The following PCNX1 variants were observed in gnomAD, a reference collection of about 807,000 sequenced individuals.
The protein encoded by PCNX1 is pecanex 1, also known as pecanex-like protein 1.
Under a neutral mutation model 242.2 loss-of-function variants are expected in PCNX1, and 78 were observed. The observed-to-expected ratio is 0.32, with a 90% CI of 0.27 to 0.39. The LOEUF is 0.39. PCNX1 is among the 10% of genes least tolerant of loss of function. PCNX1 has a pLI of 1.00. For missense variants in PCNX1, 2,581 were observed against 2,856.5 expected, an observed-to-expected ratio of 0.90 and a Z score of 2.20; for synonymous variants, 1,024 against 1,032.9, an observed-to-expected ratio of 0.99 and a Z score of 0.17.
chr14:71,009,749 T>C, intron 9 of PCNX1, 25 bp downstream of exon 9: 1 of 1,300,074 alleles, frequency 7.7e-7, no homozygotes, highest in Non-Finnish European at 1.1e-6. Context: ...ATATTAGGAG[T>C]GTGTGTACTT....
At chr14:71,019,870 T>TCCCACCATGCAC (rs2060053425) in intron 12 of PCNX1, among the ~76,000 whole-genome samples, 1 of 151,982 alleles carries the variant, frequency 6.6e-6, no homozygotes, top group Non-Finnish European at 1.5e-5. Context: ...CCACCATGCA[T>TCCCACCATGCAC]CCCACCATGC....
chr14:71,068,402 GTATA>G (rs566036233), intron 26 of PCNX1, among the ~76,000 whole-genome samples: 4 of 148,244 alleles, frequency 2.7e-5, no homozygotes, highest in African/African-American at 5.0e-5. Flanking sequence ...TTATGTATAC[GTATA>G]TATATGTATT....
chr14:71,027,092 A>C, intron 15 of PCNX1: 1 of 428,704 alleles, frequency 2.3e-6, no homozygotes, highest in Non-Finnish European at 4.1e-6. Context: ...AGAGCCAGGT[A>C]TAATGAAGCA....
At chr14:71,077,051 AG>A (rs1463317543) in intron 28 of PCNX1, among the ~76,000 whole-genome samples, 2 of 152,222 alleles carry the variant, frequency 1.3e-5, no homozygotes, top group African/African-American at 2.4e-5. Context: ...GTAAAAATGC[AG>A]ATTCCTGGGC....
At chr14:71,103,163 TA>T (rs2062509290) in intron 31 of PCNX1, among the ~76,000 whole-genome samples, 1 of 152,258 alleles carries the variant, frequency 6.6e-6, no homozygotes, top group Non-Finnish European at 1.5e-5. Context: ...CTTGATACTT[TA>T]AATACAGAGC....
intron 7 of PCNX1, among the ~76,000 whole-genome samples, chr14:70,991,779 G>A (rs984621990): frequency 6.6e-6 from 1 of 152,236 alleles, no homozygotes; most frequent in Middle Eastern, 3.4e-3. Flanking sequence ...TAGTAATCTC[G>A]TCTTTAAATA....
intron 1 of PCNX1, among the ~76,000 whole-genome samples, chr14:70,921,361 T>C (rs1335693337): frequency 6.6e-6 from 1 of 152,132 alleles, no homozygotes. Context: ...CAATTTCATA[T>C]GTATTTGATT....
chr14:71,058,520 G>C (rs1018136870), intron 26 of PCNX1, among the ~76,000 whole-genome samples: 1 of 152,184 alleles, frequency 6.6e-6, no homozygotes, highest in African/African-American at 2.4e-5. Context: ...TTTGACTTGA[G>C]TTTTCAGAGA....
intron 1 of PCNX1, among the ~76,000 whole-genome samples, chr14:70,915,268 G>C (rs897412650): frequency 6.6e-6 from 1 of 152,066 alleles, no homozygotes; most frequent in African/African-American, 2.4e-5. Context: ...AAAGACACTG[G>C]AAAACTTTAC....
intron 5 of PCNX1, 53 bp downstream of exon 5, chr14:70,969,163 A>G: frequency 4.0e-6 from 4 of 998,480 alleles, no homozygotes; most frequent in Non-Finnish European, 6.4e-6. Flanking sequence ...ACCAGAGTTA[A>G]TTTGTAGAAT....
rs146422748 is a variant in PCNX1 at position 70,989,135 on chromosome 14, TTTGA to T, written c.2444+440_2444+443del. Among the ~76,000 whole-genome samples the T allele has an allele frequency of 8.5e-3, 1,295 of 152,254 alleles. 21 individuals carry two copies. The highest frequency in any genetic ancestry group is 0.03 in the African/African-American group (1,246 of 41,544). Reference sequence around the variant, plus strand: ...AATTCACTTAAACTTGATAAGCCAGTTTGATTGTTTTATTTCACTAAAATATGAT... The same window carrying T: ...AATTCACTTAAACTTGATAAGCCAGTTTGTTTTATTTCACTAAAATATGAT... On this transcript the variant is annotated intron_variant, in intron 7 of 35. Coordinates refer to ENST00000304743, the MANE Select transcript of PCNX1 (RefSeq NM_014982.3).
rs763035170 is a variant in PCNX1 at position 71,105,254 on chromosome 14, G to A, written c.6115G>A (p.Ala2039Thr). Reference sequence around the variant, plus strand: ...TCCTAGGCTTAGGAAAGGTTGCGGAGCTGGATGTAACAGTGGTGGCAATAT... The same window carrying A: ...TCCTAGGCTTAGGAAAGGTTGCGGAACTGGATGTAACAGTGGTGGCAATAT... ...TWHRLRKGCG[A>T]GCNSGGNIED... Residue 2039 changes from alanine (A) to threonine (T), a missense_variant, in exon 33 of 36, where the codon GCT (alanine) becomes ACT (threonine). Ala to Thr is a moderately conservative substitution (Grantham distance 58). Around this residue, in one of 9 missense-constraint regions of PCNX1, gnomAD observed 432 missense variants for 433.6 expected, o/e 1.00. Transcript: ENST00000304743. 4.3e-6 allele frequency: 7 copies of A among 1,613,890 alleles called. No individual in the cohort carries two copies. Among genetic ancestry groups the A allele is most frequent in the Middle Eastern group, 1.6e-4 (1 of 6,084 alleles).
chr14:70,968,857 C>A (rs1463253423), intron 4 of PCNX1, among the ~76,000 whole-genome samples, 164 bp from the exon 5 acceptor site: 2 of 152,202 alleles, frequency 1.3e-5, no homozygotes, highest in African/African-American at 4.8e-5. Context: ...CATGATACTT[C>A]CTGCTAGTTC....
At position 71,050,695 on chromosome 14, in the gene PCNX1, T is replaced by C. The variant is rs2061003144; in HGVS notation, c.4382T>C (p.Ile1461Thr). The C allele has an allele frequency of 6.2e-7, 1 of 1,612,770 alleles. No homozygotes were observed. Among genetic ancestry groups the C allele is most frequent in the Non-Finnish European group, 8.5e-7 (1 of 1,179,170 alleles). ...AAATTGCAGTTTGTGTATACCTATATTGCCCCATGGCAGATCACATGGGGT... is the reference window on the plus strand; with the variant it reads ...AAATTGCAGTTTGTGTATACCTATACTGCCCCATGGCAGATCACATGGGGT... ...LYKLQFVYTY[I>T]APWQITWGSA... The change falls in exon 23 of 36, where the codon ATT becomes ACT. Residue 1461 changes from isoleucine to threonine, a missense_variant. Around this residue, in one of 9 missense-constraint regions of PCNX1, gnomAD observed 99 missense variants for 147.3 expected, o/e 0.67. Transcript: ENST00000304743.
At chr14:71,100,617 G>A (rs908964212) in intron 30 of PCNX1, among the ~76,000 whole-genome samples, 3 of 152,112 alleles carry the variant, frequency 2.0e-5, no homozygotes, top group African/African-American at 7.2e-5. Flanking sequence ...CAGATTTCTT[G>A]TATCTGGATG....
intron 6 of PCNX1, among the ~76,000 whole-genome samples, chr14:70,984,467 A>G (rs1240360334): frequency 1.3e-5 from 2 of 151,088 alleles, no homozygotes; most frequent in African/African-American, 4.8e-5. Context: ...GCTCACTGCA[A>G]GCTCCACCTT....
chr14:70,990,107 C>T (rs1464515438), intron 7 of PCNX1, among the ~76,000 whole-genome samples: 4 of 152,092 alleles, frequency 2.6e-5, no homozygotes, highest in Non-Finnish European at 5.9e-5. Context: ...TCATACTCCC[C>T]TGAGATTTAA....
chr14:71,007,391 A>G (rs1215245288), intron 8 of PCNX1, among the ~76,000 whole-genome samples: 1 of 152,126 alleles, frequency 6.6e-6, no homozygotes, highest in Non-Finnish European at 1.5e-5. Context: ...ATATACCAAG[A>G]ACAGAACTTA....
intron 30 of PCNX1, among the ~76,000 whole-genome samples, chr14:71,098,360 GCC>G (rs2062356308): frequency 2.0e-5 from 3 of 152,108 alleles, no homozygotes; most frequent in Admixed American, 6.5e-5. Flanking sequence ...GCTGTAGATT[GCC>G]TTGGGCAGTA....
Sources: allele counts gnomAD v4.1 joint callset (sites outside exome capture counted in the v4.1 genomes callset), GRCh38; gene constraint gnomAD v4.1.1; regional missense constraint gnomAD v4.1.1; transcripts MANE v1.5; gene names NCBI Gene and HGNC (gene_info 2026-07-23, HGNC 2026-07-21).